The following ANKRD6 variants were observed in gnomAD, a reference collection of about 807,000 sequenced individuals.
ANKRD6 encodes the protein ankyrin repeat domain-containing protein 6.
ANKRD6 carries 56 observed loss-of-function variants against 82.3 expected under a neutral mutation model. The ratio of observed to expected loss-of-function variants is 0.68; its 90% CI spans 0.55 to 0.85. ANKRD6 has a LOEUF of 0.85. ANKRD6 is among the 40% of genes least tolerant of loss of function. The pLI is 0.00. For synonymous variants in ANKRD6, 347 were observed against 352.1 expected (o/e 0.99, Z 0.16); for missense variants, 852 against 907.6 (o/e 0.94, Z 0.79).
chr6:89,523,801 A>G (rs1782151226), intron 1 of ANKRD6, among the ~76,000 whole-genome samples: 1 of 152,126 alleles, frequency 6.6e-6, no homozygotes, highest in African/African-American at 2.4e-5. Context: ...GCAGAAATGT[A>G]TATGTTGAAG....
intron 1 of ANKRD6, among the ~76,000 whole-genome samples, chr6:89,457,901 C>T (rs1243906121): frequency 6.6e-6 from 1 of 152,182 alleles, no homozygotes; most frequent in Non-Finnish European, 1.5e-5. Flanking sequence ...TGTGATGGTA[C>T]TAGGAGGTGG....
At chr6:89,606,829 CTGG>C (rs1195258402) in intron 5 of ANKRD6, among the ~76,000 whole-genome samples, 1 of 144,850 alleles carries the variant, frequency 6.9e-6, no homozygotes, top group African/African-American at 2.6e-5. Context: ...GCACTCCAGC[CTGG>C]GCACAGAGTG....
chr6:89,566,839 G>C lies in ANKRD6; in HGVS notation c.-138G>C. The C allele has an allele frequency of 8.0e-7, 1 of 1,249,362 alleles. No individual in the cohort carries two copies. The highest frequency in any genetic ancestry group is 1.1e-6 in the Non-Finnish European group (1 of 908,540). 77.4% of individuals were successfully genotyped at this position (1,249,362 alleles called of 1,614,324 possible). A position where few individuals can be genotyped will look rare whatever the true frequency, so the allele number is the denominator to read the frequency against. ...CTTTGTTTTGTAACCCCTAGGTCCC[G>C]AAGATGGCATATTCATAAAGACATC... On this transcript the variant is annotated 5_prime_UTR_variant, in exon 2 of 16. Coordinates refer to ENST00000339746, the MANE Select transcript of ANKRD6 (RefSeq NM_001242809.2).
At position 89,624,709 on chromosome 6, in the gene ANKRD6, G is replaced by C; in HGVS notation, c.1371+18G>C. On this transcript the variant is annotated intron_variant, in intron 13 of 15. Transcript: ENST00000339746. ...AGCACCAAGTATGTCATAAGGCCCA[G>C]CTTCCTAATTGCAAGGTGTTCTGGC... The C allele has an allele frequency of 6.3e-7, 1 of 1,599,158 alleles. No homozygotes were observed. The highest frequency in any genetic ancestry group is 8.5e-7 in the Non-Finnish European group (1 of 1,172,394).
chr6:89,501,694 A>G (rs548699501), intron 1 of ANKRD6, among the ~76,000 whole-genome samples: 157 of 152,342 alleles, frequency 1.0e-3, no homozygotes, highest in African/African-American at 3.7e-3. Flanking sequence ...TATGGATAAC[A>G]TCCATGTGGA....
chr6:89,552,340 A>G (rs1037664447), intron 1 of ANKRD6, among the ~76,000 whole-genome samples: 2 of 152,204 alleles, frequency 1.3e-5, no homozygotes, highest in Admixed American at 1.3e-4. Context: ...GTATGATGAC[A>G]TGAGTATAGG....
chr6:89,461,951 GC>G (rs1774200888), intron 1 of ANKRD6, among the ~76,000 whole-genome samples: 1 of 152,100 alleles, frequency 6.6e-6, no homozygotes, highest in African/African-American at 2.4e-5. Flanking sequence ...AGTGAAATGG[GC>G]CGGGCACAGT....
intron 1 of ANKRD6, among the ~76,000 whole-genome samples, chr6:89,454,375 C>A (rs1773251737): frequency 6.6e-6 from 1 of 152,128 alleles, no homozygotes; most frequent in Non-Finnish European, 1.5e-5. Context: ...TTTCTTCCTT[C>A]AATTTATTCA....
At chr6:89,488,922 T>TCTATC (rs1777706666) in intron 1 of ANKRD6, among the ~76,000 whole-genome samples, 1 of 150,880 alleles carries the variant, frequency 6.6e-6, no homozygotes, top group Non-Finnish European at 1.5e-5. Context: ...TCTATTCTAT[T>TCTATC]CTAGTTCATT....
Position 89,630,806 on chromosome 6 carries a change from C to G in ANKRD6, c.1986C>G (p.Ser662=), listed in dbSNP as rs1584029844. Residue 662 remains serine (S), a synonymous_variant, in exon 16 of 16, where the codon TCC becomes TCG. Transcript: ENST00000339746. ...EQTGPHIRDT[S]QALELTQYFF... Reference sequence around the variant, plus strand: ...CTGGCCCTCACATTCGGGACACCTCCCAAGCTCTGGAGCTTACCCAGTATT... The same window carrying G: ...CTGGCCCTCACATTCGGGACACCTCGCAAGCTCTGGAGCTTACCCAGTATT... 6.2e-7 allele frequency: 1 copy of G among 1,613,984 alleles called. No individual in the cohort carries two copies. The highest frequency in any genetic ancestry group is 8.5e-7 in the Non-Finnish European group (1 of 1,179,896).
chr6:89,439,120 A>G (rs1313075020), intron 1 of ANKRD6, among the ~76,000 whole-genome samples: 3 of 152,230 alleles, frequency 2.0e-5, no homozygotes, highest in Non-Finnish European at 1.5e-5. Flanking sequence ...AATGCTATTA[A>G]GCCATCTAGG....
At chr6:89,449,543 CA>C (rs1206513819) in intron 1 of ANKRD6, among the ~76,000 whole-genome samples, 1 of 152,190 alleles carries the variant, frequency 6.6e-6, no homozygotes, top group Non-Finnish European at 1.5e-5. Flanking sequence ...AAGACTGTCT[CA>C]AAGACTTTCC....
At chr6:89,527,025 T>C (rs1035001620) in intron 1 of ANKRD6, among the ~76,000 whole-genome samples, 4 of 152,220 alleles carry the variant, frequency 2.6e-5, no homozygotes, top group Non-Finnish European at 5.9e-5. Flanking sequence ...GAAACATCCT[T>C]GCACACATAC....
intron 1 of ANKRD6, among the ~76,000 whole-genome samples, chr6:89,474,484 C>T (rs911510233): frequency 1.3e-5 from 2 of 152,182 alleles, no homozygotes; most frequent in Non-Finnish European, 2.9e-5. Context: ...GTGGCGGGAT[C>T]TCGGCTCACT....
chr6:89,443,584 C>T (rs986219776), intron 1 of ANKRD6, among the ~76,000 whole-genome samples: 6 of 152,172 alleles, frequency 3.9e-5, no homozygotes, highest in Admixed American at 1.3e-4. Context: ...CCCACTTCAG[C>T]CTCCCATCTC....
chr6:89,608,969 G>T (rs1799506995), intron 5 of ANKRD6, among the ~76,000 whole-genome samples: 1 of 152,070 alleles, frequency 6.6e-6, no homozygotes. Flanking sequence ...CTTTCCCCTA[G>T]AGCACCTCCT....
intron 1 of ANKRD6, among the ~76,000 whole-genome samples, chr6:89,473,716 C>T (rs533052949): frequency 1.4e-4 from 22 of 152,118 alleles, no homozygotes; most frequent in African/African-American, 4.8e-4. Flanking sequence ...TGGTGGCTCA[C>T]GCCTGTAATT....
At chr6:89,598,303 A>G (rs1403828086) in intron 3 of ANKRD6, 1 of 985,266 alleles carries the variant, frequency 1.0e-6, no homozygotes, top group Non-Finnish European at 1.2e-6. Flanking sequence ...GAGCAATCAC[A>G]TAGCTCCCGC....
At chr6:89,618,255 C>A in intron 9 of ANKRD6, 1 of 682,076 alleles carries the variant, frequency 1.5e-6, no homozygotes, top group South Asian at 1.6e-5. Flanking sequence ...CTCCCTGTGG[C>A]TGGATCTTTG....
Sources: allele counts gnomAD v4.1 joint callset (sites outside exome capture counted in the v4.1 genomes callset), GRCh38; gene constraint gnomAD v4.1.1; transcripts MANE v1.5; gene names NCBI Gene and HGNC (gene_info 2026-07-23, HGNC 2026-07-21).